CHN2: variants seen among roughly 807,000 people sequenced by gnomAD.
CHN2 encodes the protein chimerin 2.
CHN2 carries 35 observed loss-of-function variants against 56.3 expected under a neutral mutation model. That is an observed-to-expected ratio of 0.62 (90% CI 0.47 to 0.82). The LOEUF (loss-of-function observed/expected upper bound fraction) is 0.82. Ranked by LOEUF, CHN2 falls within the 40% of genes least tolerant of loss-of-function variation. CHN2 has a pLI of 0.00. For missense variants in CHN2, 491 were observed against 580.5 expected (o/e 0.85, Z 1.58); for synonymous variants, 210 against 212.8 (o/e 0.99, Z 0.12).
chr7:29,503,542 G>A (rs866899721), intron 9 of CHN2, among the ~76,000 whole-genome samples: 6 of 152,300 alleles, frequency 3.9e-5, no homozygotes, highest in South Asian at 2.1e-4. Flanking sequence ...TGAACAATTG[G>A]AACTGAGATG....
chr7:29,362,298 G>A (rs1318480106), intron 2 of CHN2, among the ~76,000 whole-genome samples: 1 of 152,196 alleles, frequency 6.6e-6, no homozygotes, highest in African/African-American at 2.4e-5. Flanking sequence ...CATCTTCAAA[G>A]CTGGCAGGCA....
At chr7:29,257,208 G>A (rs746388068) in intron 1 of CHN2, among the ~76,000 whole-genome samples, 1 of 152,166 alleles carries the variant, frequency 6.6e-6, no homozygotes, top group Non-Finnish European at 1.5e-5. Context: ...AACCCTCACT[G>A]AGGCCATTTG....
At position 29,512,568 on chromosome 7, in the gene CHN2, A is replaced by G. The variant is rs775739796; in HGVS notation, c.1240A>G (p.Thr414Ala). ...TTCTATATGTTTGTTTTGCAGGGTT[A>G]CTATGAATGAAAAAGACAATTTCAT... ...RYLMIHLKKV[T>A]MNEKDNFMNA... Residue 414 changes from threonine to alanine, a missense_variant, in exon 13 of 13, where the codon ACT becomes GCT. Coordinates refer to ENST00000222792, the MANE Select transcript of CHN2 (RefSeq NM_004067.4). The G allele has an allele frequency of 6.2e-7, 1 of 1,611,852 alleles. No individual in the cohort carries two copies. Among genetic ancestry groups the G allele is most frequent in the Non-Finnish European group, 8.5e-7 (1 of 1,179,198 alleles).
chr7:29,472,649 G>T (rs900188199), intron 6 of CHN2, among the ~76,000 whole-genome samples: 1 of 151,964 alleles, frequency 6.6e-6, no homozygotes, highest in Non-Finnish European at 1.5e-5. Context: ...TGGAAGGAAA[G>T]GAAGACAGAG....
intron 3 of CHN2, among the ~76,000 whole-genome samples, chr7:29,379,433 T>G (rs1800322431): frequency 6.6e-6 from 1 of 152,236 alleles, no homozygotes; most frequent in Non-Finnish European, 1.5e-5. Flanking sequence ...GAATTCTGAT[T>G]AATAATTTGT....
intron 1 of CHN2, chr7:29,198,064 T>A (rs1334049177): frequency 2.2e-6 from 1 of 455,872 alleles, no homozygotes; most frequent in African/African-American, 2.0e-5. Context: ...TGCACAGAGC[T>A]GCCAGCTCAC....
chr7:29,212,810 G>T, intron 1 of CHN2: 1 of 1,607,844 alleles, frequency 6.2e-7, no homozygotes, highest in Non-Finnish European at 8.5e-7. Context: ...GAAGGCCTCA[G>T]CACCTACCTA....
At chr7:29,225,536 G>A (rs1786123260) in intron 1 of CHN2, among the ~76,000 whole-genome samples, 1 of 152,204 alleles carries the variant, frequency 6.6e-6, no homozygotes, top group Admixed American at 6.5e-5. Flanking sequence ...TGCATGTTTA[G>A]AGCATTATCT....
intron 3 of CHN2, among the ~76,000 whole-genome samples, chr7:29,378,365 G>A (rs1172539476): frequency 3.9e-5 from 6 of 152,216 alleles, no homozygotes; most frequent in African/African-American, 1.4e-4. Flanking sequence ...GCATTGGCAA[G>A]CTCTGTGTTT....
At chr7:29,502,754 A>G (rs375578185) in intron 9 of CHN2, among the ~76,000 whole-genome samples, 1 of 123,656 alleles carries the variant, frequency 8.1e-6, no homozygotes, top group African/African-American at 5.3e-5. Flanking sequence ...TTTTTTTTTA[A>G]AAGTGACGGG....
intron 1 of CHN2, among the ~76,000 whole-genome samples, chr7:29,220,280 A>AG (rs1554366786): frequency 1.5e-4 from 21 of 138,168 alleles, no homozygotes; most frequent in Non-Finnish European, 2.6e-4. Flanking sequence ...AAAAAAAAAA[A>AG]AGAGAGAGAG....
chr7:29,513,827 A>G lies in CHN2; in HGVS notation c.*1092A>G, dbSNP rs539669020. On this transcript the variant is annotated 3_prime_UTR_variant, in exon 13 of 13. Coordinates refer to ENST00000222792, the MANE Select transcript of CHN2 (RefSeq NM_004067.4). ...CCTTGACAAAAGTAGCTCTGTGTGG[A>G]TAATATGATTTTATTACTACAGTTC... The G allele has an allele frequency of 6.9e-4, 105 of 152,770 alleles. 1 individual carries two copies. Among genetic ancestry groups the G allele is most frequent in the Middle Eastern group, 3.4e-3 (1 of 294 alleles). The allele number at this position is 152,770 out of a possible 1,614,324, so 9.5% of individuals were successfully genotyped here.
At chr7:29,459,518 G>T (rs545055190) in intron 6 of CHN2, among the ~76,000 whole-genome samples, 1 of 152,294 alleles carries the variant, frequency 6.6e-6, no homozygotes, top group Admixed American at 6.5e-5. Context: ...CGTGGGTCAG[G>T]TGGAGAGCCC....
chr7:29,258,074 G>T (rs1166189715), intron 1 of CHN2, among the ~76,000 whole-genome samples: 1 of 152,074 alleles, frequency 6.6e-6, no homozygotes, highest in Admixed American at 6.6e-5. Context: ...GTGAGCCATT[G>T]CGCCCAGCCC....
intron 1 of CHN2, among the ~76,000 whole-genome samples, chr7:29,264,520 C>T (rs1448567478): frequency 6.6e-6 from 1 of 152,196 alleles, no homozygotes; most frequent in African/African-American, 2.4e-5. Flanking sequence ...ACGCCCAACC[C>T]CGTGCTCTCT....
intron 9 of CHN2, among the ~76,000 whole-genome samples, chr7:29,501,335 A>G (rs777878212): frequency 6.6e-6 from 1 of 152,152 alleles, no homozygotes; most frequent in Non-Finnish European, 1.5e-5. Context: ...TGGTGAACAT[A>G]TTAATCCAGT....
intron 1 of CHN2, among the ~76,000 whole-genome samples, chr7:29,354,020 A>G (rs1798093837): frequency 6.6e-6 from 1 of 152,326 alleles, no homozygotes; most frequent in African/African-American, 2.4e-5. Flanking sequence ...ACTTTGTTGT[A>G]ACTCTGTCAG....
intron 5 of CHN2, among the ~76,000 whole-genome samples, chr7:29,398,791 G>A (rs1368634057): frequency 6.8e-6 from 1 of 147,790 alleles, no homozygotes; most frequent in Non-Finnish European, 1.5e-5. Flanking sequence ...TGAAGAGAAT[G>A]GGGTCTCACC....
intron 1 of CHN2, among the ~76,000 whole-genome samples, chr7:29,307,458 A>G (rs1283059361): frequency 2.0e-5 from 3 of 152,190 alleles, no homozygotes; most frequent in African/African-American, 7.2e-5. Flanking sequence ...TCTCTGTTCT[A>G]ATGTCTGGAC....
Sources: allele counts gnomAD v4.1 joint callset (sites outside exome capture counted in the v4.1 genomes callset), GRCh38; gene constraint gnomAD v4.1.1; transcripts MANE v1.5; gene names NCBI Gene and HGNC (gene_info 2026-07-23, HGNC 2026-07-21).